Variants in MAP3K2 observed in about 807,000 individuals in gnomAD.
The protein encoded by MAP3K2 is mitogen-activated protein kinase kinase kinase 2.
MAP3K2 carries 24 observed loss-of-function variants against 80.3 expected under a neutral mutation model. The ratio of observed to expected loss-of-function variants is 0.30; its 90% CI spans 0.22 to 0.42. The LOEUF is 0.42. Among genes scored for constraint, MAP3K2 ranks in the 10% least tolerant of loss-of-function variants. The probability of loss-of-function intolerance (pLI) is 1.00; values close to 1 mark genes in which losing one functional copy is unlikely to be tolerated. For synonymous variants in MAP3K2, 244 were observed against 253.7 expected, an observed-to-expected ratio of 0.96 and a Z score of 0.36; for missense variants, 608 against 750.1, an observed-to-expected ratio of 0.81 and a Z score of 2.21.
intron 1 of MAP3K2, among the ~76,000 whole-genome samples, chr2:127,360,769 G>T (rs182858483): frequency 3.3e-5 from 5 of 152,178 alleles, no homozygotes; most frequent in Admixed American, 2.0e-4. Context: ...TTGCCAGACC[G>T]TAAATGAACT....
Position 127,339,857 on chromosome 2 carries a change from A to G in MAP3K2, c.5-807T>C, listed in dbSNP as rs1022179142. Among the ~76,000 whole-genome samples the G allele has an allele frequency of 2.6e-5, 4 of 152,362 alleles. No individual in the cohort carries two copies. The highest frequency in any genetic ancestry group is 5.9e-5 in the Non-Finnish European group (4 of 68,024). On this transcript the variant is annotated intron_variant, in intron 2 of 16. Coordinates refer to ENST00000682094, the MANE Select transcript of MAP3K2 (RefSeq NM_001371910.2). The surrounding 1 kb of genome is among the most constrained non-coding windows in gnomAD (Gnocchi z 4.2). ...TAAATCAATTCTACTAATGATAATC[A>G]CAAATGATAAATAAAGGAATCAAGA...
At chr2:127,334,203 C>T (rs938445189) in intron 5 of MAP3K2, among the ~76,000 whole-genome samples, 15 of 151,716 alleles carry the variant, frequency 9.9e-5, no homozygotes. Flanking sequence ...AAAAAAAAAA[C>T]CAGCAATTCT....
Position 127,306,443 on chromosome 2 carries a change from G to A in MAP3K2, c.*1136C>T, listed in dbSNP as rs991504119. The stretch of plus-strand genomic sequence containing the variant: ...CCAAATGCCTAGTGAAATCATCCTC[G>A]CTCCACTTTTGGCAACCACTGTTTC... On this transcript the variant is annotated 3_prime_UTR_variant, in exon 17 of 17. Coordinates refer to ENST00000682094, the MANE Select transcript of MAP3K2 (RefSeq NM_001371910.2). This position sits in a 1 kb window ranked among gnomAD's most constrained non-coding sequence, Gnocchi z 4.7. The A allele has an allele frequency of 1.3e-5, 2 of 152,010 alleles. No individual in the cohort carries two copies. The highest frequency in any genetic ancestry group is 2.4e-5 in the African/African-American group (1 of 41,386). The allele number at this position is 152,010 out of a possible 1,614,324, so 9.4% of individuals were successfully genotyped here.
chr2:127,299,916 C>G lies in MAP3K2; in HGVS notation c.*7663G>C, dbSNP rs1485502275. 1.3e-5 allele frequency: 2 copies of G among 151,868 alleles called. No homozygotes were observed. Among genetic ancestry groups the G allele is most frequent in the Non-Finnish European group, 2.9e-5 (2 of 67,934 alleles). 9.4% of individuals were successfully genotyped at this position (151,868 alleles called of 1,614,324 possible). A position where few individuals can be genotyped will look rare whatever the true frequency, so the allele number is the denominator to read the frequency against. ...GAAATGAAATGAAAATAAGAACTTA[C>G]TGGGATATATACATGTGCCTACAGA... On this transcript the variant is annotated 3_prime_UTR_variant, in exon 17 of 17. Transcript: ENST00000682094.
chr2:127,388,040 G>A, upstream of MAP3K2: 3 of 983,606 alleles, frequency 3.1e-6, no homozygotes, highest in South Asian at 1.4e-4. Flanking sequence ...CCGCCCGGCG[G>A]TAGCGGAACC....
At position 127,300,311 on chromosome 2, in the gene MAP3K2, A is replaced by C. The variant is rs1389794219; in HGVS notation, c.*7268T>G. The C allele has an allele frequency of 6.6e-6, 1 of 152,188 alleles. No homozygotes were observed. Among genetic ancestry groups the C allele is most frequent in the African/African-American group, 2.4e-5 (1 of 41,458 alleles). The allele number at this position is 152,188 out of a possible 1,614,324, so 9.4% of individuals were successfully genotyped here. A position where few individuals can be genotyped will look rare whatever the true frequency, so the allele number is the denominator to read the frequency against. ...AAAATGTGCAAAAATGTCAATCTTA[A>C]TAGGAAAAAAACCCTTTGTACATAA... On this transcript the variant is annotated 3_prime_UTR_variant, in exon 17 of 17. Transcript: ENST00000682094.
At chr2:127,338,649 G>C (rs1686419228) in intron 3 of MAP3K2, among the ~76,000 whole-genome samples, 1 of 152,102 alleles carries the variant, frequency 6.6e-6, no homozygotes, top group African/African-American at 2.4e-5. Flanking sequence ...CCATGTTCCT[G>C]AAAGGACATG....
intron 8 of MAP3K2, among the ~76,000 whole-genome samples, chr2:127,326,195 GACT>G (rs1686134317): frequency 6.8e-6 from 1 of 146,136 alleles, no homozygotes; most frequent in Non-Finnish European, 1.5e-5. Flanking sequence ...ATGACACTAT[GACT>G]ATTACATTAT....
At chr2:127,319,666 A>AAAAAAAAAAAAG (rs1685976903) in intron 12 of MAP3K2, among the ~76,000 whole-genome samples, 2 of 148,238 alleles carry the variant, frequency 1.3e-5, no homozygotes, top group Non-Finnish European at 3.0e-5. Context: ...AAAAAAAAAA[A>AAAAAAAAAAAAG]AAAAAAAAAA....
intron 1 of MAP3K2, among the ~76,000 whole-genome samples, chr2:127,361,036 G>A (rs1397107166): frequency 6.6e-6 from 1 of 152,012 alleles, no homozygotes; most frequent in Non-Finnish European, 1.5e-5. Context: ...AATTTAGGCA[G>A]GGCGCGGTGG....
intron 14 of MAP3K2, among the ~76,000 whole-genome samples, chr2:127,315,292 A>G (rs568899644): frequency 6.6e-6 from 1 of 152,230 alleles, no homozygotes; most frequent in African/African-American, 2.4e-5. Context: ...TAGTGATTCC[A>G]ATGTATAAGT....
At chr2:127,344,287 C>A (rs746367715) in intron 1 of MAP3K2, among the ~76,000 whole-genome samples, 2 of 152,058 alleles carry the variant, frequency 1.3e-5, no homozygotes, top group African/African-American at 2.4e-5. Context: ...TCCATGCATG[C>A]CCAAATTCCC....
At chr2:127,343,551 T>C (rs1015129991) in intron 1 of MAP3K2, among the ~76,000 whole-genome samples, 14 of 152,178 alleles carry the variant, frequency 9.2e-5, no homozygotes, top group African/African-American at 2.9e-4. Flanking sequence ...TCAGGCCCAC[T>C]ACATTAACTC....
chr2:127,352,057 G>A (rs116500863), intron 1 of MAP3K2, among the ~76,000 whole-genome samples: 2,240 of 151,786 alleles, frequency 0.015, 74 homozygotes, highest in African/African-American at 0.05. Context: ...TTGTATTTTC[G>A]GTAGAGACAC....
intron 14 of MAP3K2, chr2:127,316,934 C>T (rs1685917197): frequency 6.6e-6 from 1 of 152,030 alleles, no homozygotes; most frequent in African/African-American, 2.4e-5. Flanking sequence ...TAGCACGGCC[C>T]CTGTGCAAGG....
chr2:127,364,449 G>A lies in MAP3K2; in HGVS notation c.-65-21255C>T, dbSNP rs1553518885. ...TAAGGGCCCAGCTTAAGCCCTCCCTGTCCTCTTCACCTGGTCATCTTACCA... is the reference window on the plus strand; with the variant it reads ...TAAGGGCCCAGCTTAAGCCCTCCCTATCCTCTTCACCTGGTCATCTTACCA... On this transcript the variant is annotated intron_variant, in intron 1 of 16. Coordinates refer to ENST00000682094, the MANE Select transcript of MAP3K2 (RefSeq NM_001371910.2). The surrounding 1 kb of genome is among the most constrained non-coding windows in gnomAD (Gnocchi z 4.1). Among the ~76,000 whole-genome samples, 1 of 152,018 alleles carries A rather than the reference G, an allele frequency of 6.6e-6. No homozygotes were observed. Among genetic ancestry groups the A allele is most frequent in the African/African-American group, 2.4e-5 (1 of 41,370 alleles).
chr2:127,353,114 C>T (rs1427261250), intron 1 of MAP3K2, among the ~76,000 whole-genome samples: 15 of 152,176 alleles, frequency 9.9e-5, no homozygotes, highest in Admixed American at 2.6e-4. Flanking sequence ...CTCTGCCCAG[C>T]CGCCACCCCG....
chr2:127,367,980 G>A (rs115563052), intron 1 of MAP3K2, among the ~76,000 whole-genome samples: 1,704 of 152,252 alleles, frequency 0.011, 12 homozygotes, highest in South Asian at 0.02. Context: ...CTTGTCTCAG[G>A]ACCCCATAGA....
At chr2:127,378,042 A>G (rs760908208) in intron 1 of MAP3K2, 1 of 257,456 alleles carries the variant, frequency 3.9e-6, no homozygotes, top group Non-Finnish European at 6.1e-6. Flanking sequence ...AATAGATACT[A>G]GAGGGAATAA....
Sources: allele counts gnomAD v4.1 joint callset (sites outside exome capture counted in the v4.1 genomes callset), GRCh38; gene constraint gnomAD v4.1.1; non-coding constraint Gnocchi (gnomAD v3.1); transcripts MANE v1.5; gene names NCBI Gene and HGNC (gene_info 2026-07-23, HGNC 2026-07-21).